The following C4orf51 variants were observed in gnomAD, a reference collection of about 807,000 sequenced individuals.
C4orf51 encodes the protein chromosome 4 open reading frame 51, also known as uncharacterized protein C4orf51.
Under a neutral mutation model 25.2 loss-of-function variants are expected in C4orf51, and 25 were observed. The ratio of observed to expected loss-of-function variants is 0.99; its 90% confidence interval spans 0.72 to 1.39. The LOEUF (loss-of-function observed/expected upper bound fraction) is 1.39, where lower values mean the gene tolerates loss of function less well. Among genes scored for constraint, C4orf51 ranks in the 40% most tolerant of loss-of-function variants. The probability of loss-of-function intolerance (pLI) is 0.00; values close to 1 mark genes in which losing one functional copy is unlikely to be tolerated. For synonymous variants in C4orf51, 100 were observed against 84.5 expected, an observed-to-expected ratio of 1.18 and a Z score of -1.01; for missense variants, 252 against 239.6, an observed-to-expected ratio of 1.05 and a Z score of -0.34.
At chr4:145,775,594 C>T (rs1446297023), downstream of C4orf51, among the ~76,000 whole-genome samples, 2 of 152,096 alleles carry the variant, frequency 1.3e-5, no homozygotes, top group Non-Finnish European at 2.9e-5. Context: ...CAATTAATAC[C>T]ACCAGGGGCA....
At chr4:145,748,521 T>G (rs1307416702) in intron 1 of C4orf51, among the ~76,000 whole-genome samples, 3 of 152,158 alleles carry the variant, frequency 2.0e-5, no homozygotes, top group Non-Finnish European at 4.4e-5. Flanking sequence ...ATGCAGGCAC[T>G]TATAGTTATA....
chr4:145,786,498 ACTT>A, the C4orf51 span, among the ~76,000 whole-genome samples: 8 of 152,156 alleles, frequency 5.3e-5, no homozygotes, highest in East Asian at 1.5e-3. Flanking sequence ...TATTTTGATC[ACTT>A]CTTTCTTTCA....
At chr4:145,781,195 C>CAAAAAAAAAAAAAAAAAAAA in the C4orf51 span, among the ~76,000 whole-genome samples, 15 of 56,548 alleles carry the variant, frequency 2.7e-4, no homozygotes, top group African/African-American at 4.0e-4. Context: ...GACACCATCT[C>CAAAAAAAAAAAAAAAAAAAA]AAAAAAAAAA....
chr4:145,689,841 C>T (rs998558561), intron 1 of C4orf51, among the ~76,000 whole-genome samples: 1 of 152,104 alleles, frequency 6.6e-6, no homozygotes, highest in Non-Finnish European at 1.5e-5. Context: ...TGGACCCCTA[C>T]CTTTCACCAT....
intron 1 of C4orf51, among the ~76,000 whole-genome samples, chr4:145,750,866 A>AT (rs1733636785): frequency 6.6e-6 from 1 of 151,820 alleles, no homozygotes; most frequent in African/African-American, 2.4e-5. Context: ...CTGACTATGT[A>AT]TTTTCAAATA....
rs1448997542 is a variant in C4orf51 at position 145,723,803 on chromosome 4, A to C, written c.308-3108A>C. Among the ~76,000 whole-genome samples, 11 of 152,260 alleles carry C rather than the reference A, an allele frequency of 7.2e-5. 1 individual carries two copies. Among genetic ancestry groups the C allele is most frequent in the Admixed American group, 7.2e-4 (11 of 15,288 alleles). On this transcript the variant is annotated intron_variant, in intron 2 of 5. Transcript: ENST00000438731. ...TAACATTAAATGTCCTTAAAAGGCC[A>C]GCTGAAGCTGCCAAGGTCAAACTTT...
chr4:145,710,945 G>A (rs774914750), intron 2 of C4orf51, among the ~76,000 whole-genome samples: 1 of 152,116 alleles, frequency 6.6e-6, no homozygotes, highest in Non-Finnish European at 1.5e-5. Context: ...GAGGAATTTA[G>A]AAGTAATTAG....
intron 1 of C4orf51, 92 bp downstream of exon 1, chr4:145,680,528 C>T (rs7683750): frequency 0.28 from 249,616 of 886,056 alleles, 36,716 homozygotes; most frequent in Admixed American, 0.35. Flanking sequence ...CCCTGAGAGA[C>T]TTCATAGACT....
rs750949328 is a variant in C4orf51, at chr4:145,732,519, T to G, written c.568T>G (p.Ser190Ala). 6.2e-7 allele frequency: 1 copy of G among 1,611,230 alleles called. No individual in the cohort carries two copies. ...SSEDSEADRY[S>A]DYGWGGPSSP... ...TGAGGATTCAGAAGCTGATCGATAC[T>G]CCGATTATGGCTGGGGAGGACCCTC... The change falls in exon 6 of 6, where the codon TCC becomes GCC. Residue 190 changes from serine (S) to alanine (A), a missense_variant. Ser to Ala is a moderately conservative substitution (Grantham distance 99). Coordinates refer to ENST00000438731, the MANE Select transcript of C4orf51 (RefSeq NM_001080531.3).
the C4orf51 span, chr4:145,776,044 CA>C: frequency 6.7e-7 from 1 of 1,489,916 alleles, no homozygotes; most frequent in African/African-American, 1.4e-5. Flanking sequence ...TTAAAGGTAT[CA>C]AGGAAAGAAT....
intron 2 of C4orf51, among the ~76,000 whole-genome samples, chr4:145,716,818 TA>T (rs1731442551): frequency 6.6e-6 from 1 of 152,218 alleles, no homozygotes; most frequent in Admixed American, 6.5e-5. Context: ...TTTATAAGCA[TA>T]GTACATCTGA....
chr4:145,700,982 CT>C (rs772865906), intron 2 of C4orf51, among the ~76,000 whole-genome samples: 18 of 152,258 alleles, frequency 1.2e-4, no homozygotes, highest in Non-Finnish European at 2.2e-4. Context: ...GTTAATGCTC[CT>C]TTTTCTTTAC....
Position 145,762,370 on chromosome 4 carries a change from G to C in C4orf51, n.167-8618G>C, listed in dbSNP as rs1734659042. On this transcript the variant is annotated intron_variant and non_coding_transcript_variant, in intron 1 of 1. Coordinates refer to the C4orf51 transcript ENST00000510096. The surrounding 1 kb of genome is among the most constrained non-coding windows in gnomAD (Gnocchi z 4.9). ...GGGAGACAACTGCTATCTGGAGCTC[G>C]AAGACATTATTAATACATGATTATG... 6.6e-6 allele frequency among the ~76,000 whole-genome samples: 1 copy of C among 152,186 alleles called. No homozygotes were observed. The highest frequency in any genetic ancestry group is 1.9e-4 in the East Asian group (1 of 5,202).
intron 1 of C4orf51, among the ~76,000 whole-genome samples, chr4:145,749,454 G>GT (rs1733555126): frequency 6.6e-6 from 1 of 151,224 alleles, no homozygotes; most frequent in African/African-American, 2.4e-5. Context: ...TTTGTTGTTT[G>GT]TTTTCTGGTT....
intron 1 of C4orf51, among the ~76,000 whole-genome samples, chr4:145,767,628 T>C (rs1735505844): frequency 6.6e-6 from 1 of 152,182 alleles, no homozygotes; most frequent in Non-Finnish European, 1.5e-5. Flanking sequence ...AAGAAAGATA[T>C]GTTATGTGCA....
downstream of C4orf51, among the ~76,000 whole-genome samples, chr4:145,737,599 G>A (rs1311924703): frequency 3.3e-5 from 5 of 152,252 alleles, no homozygotes; most frequent in African/African-American, 1.2e-4. Context: ...CTAAGGGCTT[G>A]TATGTCTGAG....
downstream of C4orf51, chr4:145,774,489 C>T: frequency 6.2e-7 from 1 of 1,604,238 alleles, no homozygotes; most frequent in Non-Finnish European, 8.5e-7. Flanking sequence ...GTGAGAAGGA[C>T]AGACAGGAAT....
chr4:145,718,684 C>T (rs1443269704), intron 2 of C4orf51, among the ~76,000 whole-genome samples: 2 of 152,200 alleles, frequency 1.3e-5, no homozygotes, highest in Non-Finnish European at 2.9e-5. Context: ...AATTTTTTAC[C>T]ATGGCCTGGA....
At chr4:145,753,272 G>T (rs1335197132) in intron 1 of C4orf51, among the ~76,000 whole-genome samples, 1 of 151,584 alleles carries the variant, frequency 6.6e-6, no homozygotes, top group Non-Finnish European at 1.5e-5. Context: ...GAAAAATATT[G>T]TCTTTTAATA....
Sources: gnomAD v4.1 joint callset for allele counts (sites outside exome capture counted in the v4.1 genomes callset) on GRCh38, gnomAD v4.1.1 for gene constraint, Gnocchi (gnomAD v3.1) non-coding constraint, MANE v1.5 for transcripts, NCBI Gene and HGNC (gene_info 2026-07-23, HGNC 2026-07-21) for gene names.